The following ZNF626 variants were observed in gnomAD, a reference collection of about 807,000 sequenced individuals.
The protein encoded by ZNF626 is zinc finger protein 626, also known as CTC-513N18.7.
ZNF626 carries 4 observed loss-of-function variants against 11.7 expected under a neutral mutation model. That is an observed-to-expected ratio of 0.34 (90% CI 0.17 to 0.78). The LOEUF (loss-of-function observed/expected upper bound fraction) is 0.78. Ranked by LOEUF, ZNF626 falls within the 30% of genes least tolerant of loss-of-function variation. ZNF626 has a pLI of 0.57. For missense variants in ZNF626, 588 were observed against 587.1 expected (o/e 1.00, Z -0.01); for synonymous variants, 179 against 198.6 (o/e 0.90, Z 0.83).
intron 3 of ZNF626, among the ~76,000 whole-genome samples, chr19:20,635,820 T>C (rs1398058534): frequency 1.3e-5 from 2 of 152,122 alleles, no homozygotes; most frequent in African/African-American, 4.8e-5. Context: ...TTATGACTAC[T>C]CACCTAGACA....
At chr19:20,644,266 T>C (rs1970052133) in intron 3 of ZNF626, among the ~76,000 whole-genome samples, 1 of 152,176 alleles carries the variant, frequency 6.6e-6, no homozygotes, top group Non-Finnish European at 1.5e-5. Context: ...AAAGCCACAC[T>C]CATCCACATC....
chr19:20,661,569 G>T lies in ZNF626; in HGVS notation c.-123C>A. On this transcript the variant is annotated 5_prime_UTR_variant, in exon 1 of 4. Coordinates refer to ENST00000601440, the MANE Select transcript of ZNF626 (RefSeq NM_001076675.3). Reference sequence around the variant, plus strand: ...ACCTGGAGCTCTGACTGCAGCGAGAGACAAAGGCCGCACCAAACCCGGAAA... The same window carrying T: ...ACCTGGAGCTCTGACTGCAGCGAGATACAAAGGCCGCACCAAACCCGGAAA... 2 of 1,161,610 alleles carry T rather than the reference G, an allele frequency of 1.7e-6. No individual in the cohort carries two copies. Among genetic ancestry groups the T allele is most frequent in the Non-Finnish European group, 2.5e-6 (2 of 803,124 alleles). 72.0% of individuals were successfully genotyped at this position (1,161,610 alleles called of 1,614,324 possible).
intron 3 of ZNF626, among the ~76,000 whole-genome samples, chr19:20,641,764 A>G (rs1315710093): frequency 6.6e-6 from 1 of 151,932 alleles, no homozygotes; most frequent in Non-Finnish European, 1.5e-5. Context: ...TATGTTCCCC[A>G]GGCTGGTCTC....
At chr19:20,655,857 C>A (rs1251573699) in intron 1 of ZNF626, among the ~76,000 whole-genome samples, 1 of 151,920 alleles carries the variant, frequency 6.6e-6, no homozygotes, top group Non-Finnish European at 1.5e-5. Context: ...TTGGCGTGAA[C>A]CCAGGAGGCA....
At chr19:20,629,764 C>T (rs1260177816) in intron 3 of ZNF626, among the ~76,000 whole-genome samples, 1 of 152,136 alleles carries the variant, frequency 6.6e-6, no homozygotes, top group Admixed American at 6.5e-5. Flanking sequence ...ATTGAATACA[C>T]TTTATTTCCT....
intron 3 of ZNF626, among the ~76,000 whole-genome samples, chr19:20,641,303 C>T (rs1970022315): frequency 6.6e-6 from 1 of 152,002 alleles, no homozygotes. Context: ...ATTATTCCAC[C>T]TTAAATAAAA....
chr19:20,645,270 C>CTAT, intron 3 of ZNF626: 2 of 1,460,280 alleles, frequency 1.4e-6, no homozygotes, highest in Non-Finnish European at 1.8e-6. Context: ...TCAACAGAAA[C>CTAT]TATTACTCTC....
At position 20,621,573 on chromosome 19, in the gene ZNF626, C is replaced by T. The variant is rs1316416044; in HGVS notation, c.*2717G>A. 6.6e-6 allele frequency: 1 copy of T among 152,060 alleles called. No individual in the cohort carries two copies. The highest frequency in any genetic ancestry group is 1.5e-5 in the Non-Finnish European group (1 of 68,004). The allele number at this position is 152,060 out of a possible 1,614,324, so 9.4% of individuals were successfully genotyped here. A position where few individuals can be genotyped will look rare whatever the true frequency, so the allele number is the denominator to read the frequency against. On this transcript the variant is annotated 3_prime_UTR_variant, in exon 4 of 4. Transcript: ENST00000601440. ...GATAAATGCTAGAGGTGACAGATAC[C>T]TTATTTACCCTAATGTAATTACTAC...
Position 20,646,366 on chromosome 19 carries a change from G to C in ZNF626, c.43C>G (p.Leu15Val), listed in dbSNP as rs1347527890. The part of the protein sequence containing the change: ...QFRDVAIEFS[L>V]EEWHCLDTAQ... ...GTGTCCAGGCAATGCCACTCCTCCA[G>C]AGAGAATTCTATGGCCACATCTCTA... The change falls in exon 2 of 4, where the codon CTG (leucine) becomes GTG (valine). Residue 15 changes from leucine (L) to valine (V), a missense_variant. By Grantham distance (32) the Leu-to-Val change is conservative. Transcript: ENST00000601440. The C allele has an allele frequency of 6.2e-7, 1 of 1,614,102 alleles. No homozygotes were observed. Among genetic ancestry groups the C allele is most frequent in the Non-Finnish European group, 8.5e-7 (1 of 1,180,004 alleles).
chr19:20,625,844 TATA>T lies in ZNF626; in HGVS notation c.227-197_227-195del, dbSNP rs1969824607. 3.8e-5 allele frequency among the ~76,000 whole-genome samples: 2 copies of T among 53,086 alleles called. 1 individual carries two copies. Among genetic ancestry groups the T allele is most frequent in the South Asian group, 1.2e-3 (2 of 1,660 alleles). 34.8% of individuals were successfully genotyped at this position (53,086 alleles called of 152,430 possible). On this transcript the variant is annotated intron_variant, in intron 3 of 3. Coordinates refer to ENST00000601440, the MANE Select transcript of ZNF626 (RefSeq NM_001076675.3). ...GATCAAAATACATTTGTAAAAAACT[TATA>T]ATAAGTTGTGAAGGGCCCCAGGTGA...
intron 1 of ZNF626, among the ~76,000 whole-genome samples, chr19:20,653,067 T>A (rs1239410466): frequency 3.3e-5 from 5 of 152,098 alleles, no homozygotes; most frequent in African/African-American, 1.2e-4. Context: ...AGATAAGAAA[T>A]AGGCAGAAAC....
chr19:20,627,276 CATAG>C (rs1433727922), intron 3 of ZNF626, among the ~76,000 whole-genome samples: 2 of 151,864 alleles, frequency 1.3e-5, no homozygotes, highest in Admixed American at 1.3e-4. Flanking sequence ...CTTCAAAAAT[CATAG>C]ATAAGAAGAG....
chr19:20,659,720 A>AT (rs34827728), intron 1 of ZNF626, among the ~76,000 whole-genome samples: 64,381 of 149,872 alleles, frequency 0.43, 14,569 homozygotes, highest in East Asian at 0.6. Flanking sequence ...TTAGGAATTC[A>AT]TTTTTTTTTT....
chr19:20,623,952 T>C lies in ZNF626; in HGVS notation c.*338A>G, dbSNP rs1209919665. 9 of 337,270 alleles carry C rather than the reference T, an allele frequency of 2.7e-5. No homozygotes were observed. The highest frequency in any genetic ancestry group is 2.7e-4 in the African/African-American group (9 of 33,830). The allele number at this position is 337,270 out of a possible 1,614,324, so 20.9% of individuals were successfully genotyped here. ...TCTTTATATTTGTAGAGTTTATATT[T>C]CATATCAATTCTTAGTTAGAAATTG... On this transcript the variant is annotated 3_prime_UTR_variant, in exon 4 of 4. Transcript: ENST00000601440.
chr19:20,643,249 G>A (rs1555771643), intron 3 of ZNF626, among the ~76,000 whole-genome samples: 2 of 151,912 alleles, frequency 1.3e-5, no homozygotes, highest in Admixed American at 6.6e-5. Context: ...CGAAACTGCT[G>A]TATTCTAACT....
intron 3 of ZNF626, among the ~76,000 whole-genome samples, chr19:20,634,938 C>T (rs1158085185): frequency 6.6e-6 from 1 of 152,176 alleles, no homozygotes; most frequent in Non-Finnish European, 1.5e-5. Flanking sequence ...GAATGCAGCA[C>T]ATATGTTAGC....
intron 3 of ZNF626, among the ~76,000 whole-genome samples, chr19:20,633,200 G>T (rs4809081): frequency 0.45 from 68,353 of 151,952 alleles, 16,651 homozygotes; most frequent in African/African-American, 0.64. Flanking sequence ...CCCCTACTGG[G>T]GGGTGCCTCC....
At chr19:20,653,093 C>G (rs1555772731) in intron 1 of ZNF626, among the ~76,000 whole-genome samples, 10 of 152,130 alleles carry the variant, frequency 6.6e-5, no homozygotes. Context: ...TCGGCCTGCA[C>G]ATTTAGGGTA....
At position 20,623,372 on chromosome 19, in the gene ZNF626, A is replaced by G. The variant is rs1205161337; in HGVS notation, c.*918T>C. 1.1e-4 allele frequency: 16 copies of G among 152,328 alleles called. No homozygotes were observed. Among genetic ancestry groups the G allele is most frequent in the South Asian group, 1.0e-3 (5 of 4,832 alleles). The allele number at this position is 152,328 out of a possible 1,614,324, so 9.4% of individuals were successfully genotyped here. On this transcript the variant is annotated 3_prime_UTR_variant, in exon 4 of 4. Transcript: ENST00000601440. The stretch of plus-strand genomic sequence containing the variant: ...ATATAAAGGCTGTTTCACATTTTAT[A>G]TATTTCTAGGGTTTCACACTAGTAT...
Sources: gnomAD v4.1 joint callset for allele counts (sites outside exome capture counted in the v4.1 genomes callset) on GRCh38, gnomAD v4.1.1 for gene constraint, MANE v1.5 for transcripts, NCBI Gene and HGNC (gene_info 2026-07-23, HGNC 2026-07-21) for gene names.